The following CSMD2 variants were observed in gnomAD, a reference collection of about 807,000 sequenced individuals.
CSMD2 encodes the protein CUB and sushi domain-containing protein 2.
CSMD2 carries 130 observed loss-of-function variants against 398.5 expected under a neutral mutation model. That is an observed-to-expected ratio of 0.33 (90% CI 0.28 to 0.38). The LOEUF (loss-of-function observed/expected upper bound fraction) is 0.38. Among genes scored for constraint, CSMD2 ranks in the 10% least tolerant of loss-of-function variants. The probability of loss-of-function intolerance (pLI) is 1.00; values close to 1 mark genes in which losing one functional copy is unlikely to be tolerated. For missense variants in CSMD2, 3,829 were observed against 4,764.9 expected, an observed-to-expected ratio of 0.80 and a Z score of 5.78; for synonymous variants, 1,828 against 1,908.5, an observed-to-expected ratio of 0.96 and a Z score of 1.10.
At chr1:33,757,749 C>T (rs1265794436) in intron 13 of CSMD2, among the ~76,000 whole-genome samples, 1 of 152,168 alleles carries the variant, frequency 6.6e-6, no homozygotes, top group Non-Finnish European at 1.5e-5. Context: ...ATGACAACAC[C>T]CAGTTGCCTA....
At chr1:34,103,967 C>T (rs1352181785) in intron 1 of CSMD2, among the ~76,000 whole-genome samples, 1 of 152,148 alleles carries the variant, frequency 6.6e-6, no homozygotes, top group Non-Finnish European at 1.5e-5. Context: ...ACTCTTTAAG[C>T]CTTAGTTTTG....
intron 3 of CSMD2, among the ~76,000 whole-genome samples, chr1:33,955,256 C>A (rs1217252523): frequency 1.3e-5 from 2 of 152,198 alleles, no homozygotes; most frequent in East Asian, 3.9e-4. Context: ...CCCCACGAGG[C>A]GCCGCCTGAG....
chr1:33,519,684 A>T lies in CSMD2; in HGVS notation c.10737-7T>A. 1 of 1,613,958 alleles carries T rather than the reference A, an allele frequency of 6.2e-7. No homozygotes were observed. The highest frequency in any genetic ancestry group is 8.5e-7 in the Non-Finnish European group (1 of 1,179,974). ...AGGAACTTTGGGTCTTCTCCTGGCG[A>T]TAAAAGAGGAAGTGCCCACGGCATG... is the stretch of plus-strand genomic sequence containing the variant. On this transcript the variant is annotated splice_polypyrimidine_tract_variant and splice_region_variant and intron_variant, in intron 69 of 70. Transcript: ENST00000373381. The surrounding 1 kb of genome is among the most constrained non-coding windows in gnomAD (Gnocchi z 5.6).
intron 3 of CSMD2, among the ~76,000 whole-genome samples, chr1:33,952,699 C>A (rs1221452388): frequency 7.3e-6 from 1 of 137,204 alleles, no homozygotes; most frequent in Non-Finnish European, 1.5e-5. Context: ...CACACACACA[C>A]ACATGCACAC....
chr1:33,559,224 G>T lies in CSMD2; in HGVS notation c.8554+76C>A. ...GAATGATGCCAGAATGAATTCACTG[G>T]CTTCTTTTTCTGAGCTACAGAACCA... On this transcript the variant is annotated intron_variant, in intron 54 of 70. Coordinates refer to ENST00000373381, the MANE Select transcript of CSMD2 (RefSeq NM_001281956.2). This position sits in a 1 kb window ranked among gnomAD's most constrained non-coding sequence, Gnocchi z 4.0. 7.5e-7 allele frequency: 1 copy of T among 1,331,702 alleles called. No homozygotes were observed. Among genetic ancestry groups the T allele is most frequent in the Non-Finnish European group, 1.0e-6 (1 of 979,214 alleles). 82.5% of individuals were successfully genotyped at this position (1,331,702 alleles called of 1,614,324 possible).
chr1:33,602,034 T>G (rs887747179), intron 43 of CSMD2, among the ~76,000 whole-genome samples: 1 of 152,186 alleles, frequency 6.6e-6, no homozygotes, highest in Non-Finnish European at 1.5e-5. Flanking sequence ...CCCAGGTACA[T>G]GTAGAATGTT....
At chr1:33,800,017 G>C (rs1420211331) in intron 10 of CSMD2, among the ~76,000 whole-genome samples, 4 of 152,210 alleles carry the variant, frequency 2.6e-5, no homozygotes, top group Non-Finnish European at 5.9e-5. Flanking sequence ...TGTGGGCTTT[G>C]CAAGGCCTGC....
At chr1:33,667,665 G>A (rs1244918637) in intron 25 of CSMD2, among the ~76,000 whole-genome samples, 1 of 152,206 alleles carries the variant, frequency 6.6e-6, no homozygotes, top group East Asian at 1.9e-4. Flanking sequence ...AAAAATGCCA[G>A]TTGATTGCAT....
intron 3 of CSMD2, among the ~76,000 whole-genome samples, chr1:33,978,047 AGT>A (rs1011529628): frequency 3.3e-5 from 5 of 152,130 alleles, no homozygotes; most frequent in Non-Finnish European, 7.4e-5. Context: ...AAAATCTTTA[AGT>A]GTGTTGTTTA....
chr1:33,725,590 C>T, intron 16 of CSMD2, 54 bp from the exon 17 acceptor site: 1 of 1,567,580 alleles, frequency 6.4e-7, no homozygotes, highest in Non-Finnish European at 8.8e-7. Flanking sequence ...TATTAATTTG[C>T]AAATGACATA....
intron 40 of CSMD2, among the ~76,000 whole-genome samples, chr1:33,611,606 C>T (rs1026285805): frequency 6.6e-6 from 1 of 152,188 alleles, no homozygotes; most frequent in African/African-American, 2.4e-5. Flanking sequence ...ATAAACTTTT[C>T]ATTTAAAAAT....
chr1:33,526,421 A>G (rs888879530), intron 65 of CSMD2, among the ~76,000 whole-genome samples: 2 of 152,236 alleles, frequency 1.3e-5, no homozygotes, highest in Non-Finnish European at 2.9e-5. Flanking sequence ...CATGGTGGCC[A>G]TCCCATCTAC....
intron 3 of CSMD2, among the ~76,000 whole-genome samples, chr1:34,029,674 C>CA (rs1203775434): frequency 6.6e-6 from 1 of 152,218 alleles, no homozygotes; most frequent in Non-Finnish European, 1.5e-5. Context: ...ACCTGTGACC[C>CA]ACTTTACCAT....
At chr1:33,961,392 C>A (rs539623151) in intron 3 of CSMD2, among the ~76,000 whole-genome samples, 1 of 152,366 alleles carries the variant, frequency 6.6e-6, no homozygotes, top group East Asian at 1.9e-4. Flanking sequence ...AGTCTTCTGG[C>A]CTTGCATGCC....
At position 33,916,186 on chromosome 1, in the gene CSMD2, T is replaced by C. The variant is rs555218997; in HGVS notation, c.920+1908A>G. ...ATGACACAATAATTAGCTAAAAATA[T>C]ATAACTACAGATATTTTTAGATCCT... On this transcript the variant is annotated intron_variant, in intron 5 of 70. Coordinates refer to ENST00000373381, the MANE Select transcript of CSMD2 (RefSeq NM_001281956.2). Among the ~76,000 whole-genome samples the C allele has an allele frequency of 2.6e-5, 4 of 152,280 alleles. No homozygotes were observed. The South Asian group carries it at 8.3e-4, about 32-fold the overall frequency.
chr1:33,534,537 G>A (rs892436034), intron 62 of CSMD2, among the ~76,000 whole-genome samples: 2 of 151,872 alleles, frequency 1.3e-5, no homozygotes, highest in Non-Finnish European at 2.9e-5. Context: ...TGTACAACTC[G>A]ACACCCCGCA....
intron 1 of CSMD2, among the ~76,000 whole-genome samples, chr1:34,099,586 G>A (rs753878055): frequency 1.3e-5 from 2 of 152,214 alleles, no homozygotes; most frequent in Non-Finnish European, 1.5e-5. Flanking sequence ...AAGGAGTTCA[G>A]AACAGAGCCT....
At chr1:33,580,711 T>A (rs577107872) in intron 48 of CSMD2, 42 bp downstream of exon 48, 8 of 1,608,776 alleles carry the variant, frequency 5.0e-6, no homozygotes, top group African/African-American at 1.3e-5. Context: ...GAGGCTTCGA[T>A]GAGGAGAGGG....
At chr1:34,062,480 T>C (rs1654622984) in intron 2 of CSMD2, among the ~76,000 whole-genome samples, 2 of 152,098 alleles carry the variant, frequency 1.3e-5, no homozygotes, top group African/African-American at 4.8e-5. Flanking sequence ...TTTCAGGACA[T>C]GCATTCGAGC....
Sources: allele counts gnomAD v4.1 joint callset (sites outside exome capture counted in the v4.1 genomes callset), GRCh38; gene constraint gnomAD v4.1.1; non-coding constraint Gnocchi (gnomAD v3.1); transcripts MANE v1.5; gene names NCBI Gene and HGNC (gene_info 2026-07-23, HGNC 2026-07-21).